Variants in TLCD3B observed in about 807,000 individuals in gnomAD.
The protein encoded by TLCD3B is ceramide synthase.
A neutral mutation model predicts 23.0 loss-of-function variants in TLCD3B; 9 were observed. That is an observed-to-expected ratio of 0.39 (90% CI 0.24 to 0.68). The LOEUF is 0.68. TLCD3B is among the 30% of genes least tolerant of loss of function. The probability of loss-of-function intolerance (pLI) is 0.44; values close to 1 mark genes in which losing one functional copy is unlikely to be tolerated. For synonymous variants in TLCD3B, 161 were observed against 161.0 expected, an observed-to-expected ratio of 1.00 and a Z score of 0.00; for missense variants, 307 against 371.8, an observed-to-expected ratio of 0.83 and a Z score of 1.43.
rs781041194 is a variant in TLCD3B, at chr16:30,030,448, G to C, written c.80C>G (p.Pro27Arg). 4 of 1,604,756 alleles carry C rather than the reference G, an allele frequency of 2.5e-6. No homozygotes were observed. Among genetic ancestry groups the C allele is most frequent in the African/African-American group, 2.7e-5 (2 of 74,390 alleles). The change falls in exon 1 of 5, where the codon CCC becomes CGC. Residue 27 changes from proline (P) to arginine (R), a missense_variant. Transcript: ENST00000380495. Reference sequence around the variant, plus strand: ...GTCGGCCTCCTCCCAGCGTAGCTGGGGCAGCCGCTGGAGCGTGTTCTTGGA... The same window carrying C: ...GTCGGCCTCCTCCCAGCGTAGCTGGCGCAGCCGCTGGAGCGTGTTCTTGGA... ...LLSKNTLQRL[P>R]QLRWEEADAV...
intron 3 of TLCD3B, among the ~76,000 whole-genome samples, chr16:30,038,271 A>T (rs2071510388): frequency 6.6e-6 from 1 of 152,000 alleles, no homozygotes; most frequent in South Asian, 2.1e-4. Context: ...TCAGACATTG[A>T]TCTGCATTCT....
chr16:30,047,573 C>T (rs945505252), intron 1 of TLCD3B, among the ~76,000 whole-genome samples: 1 of 152,074 alleles, frequency 6.6e-6, no homozygotes, highest in Non-Finnish European at 1.5e-5. Flanking sequence ...CCGCCTGCCT[C>T]GGCCTCCCGC....
At chr16:30,052,609 A>C (rs2071781708) in intron 1 of TLCD3B, among the ~76,000 whole-genome samples, 1 of 152,024 alleles carries the variant, frequency 6.6e-6, no homozygotes, top group African/African-American at 2.4e-5. Context: ...AGGCAGGTGA[A>C]TCACTTGAAC....
chr16:30,030,309 C>G (rs1192749540), intron 1 of TLCD3B, 94 bp downstream of exon 1: 7 of 1,323,080 alleles, frequency 5.3e-6, no homozygotes, highest in Non-Finnish European at 7.3e-6. Flanking sequence ...TCCCAGTCCC[C>G]CACCGCTGAG....
At chr16:30,037,739 CA>C (rs1223233014) in intron 3 of TLCD3B, among the ~76,000 whole-genome samples, 1 of 136,206 alleles carries the variant, frequency 7.3e-6, no homozygotes, top group Non-Finnish European at 1.6e-5. Context: ...CCTGCCCCCC[CA>C]AAAAAGTAGT....
In TLCD3B at chr16:30,030,623, G is replaced by T; in HGVS notation, c.-96C>A. On this transcript the variant is annotated 5_prime_UTR_variant, in exon 1 of 5. Coordinates refer to ENST00000380495, the MANE Select transcript of TLCD3B (RefSeq NM_031478.6). The stretch of plus-strand genomic sequence containing the variant: ...GGGGTGGAGAAGGGACGCCAAGCCC[G>T]GGAAGGAGGGAGAAAACGATGAGAA... 1 of 1,418,380 alleles carries T rather than the reference G, an allele frequency of 7.1e-7. No homozygotes were observed. 87.9% of individuals were successfully genotyped at this position (1,418,380 alleles called of 1,614,324 possible). A position where few individuals can be genotyped will look rare whatever the true frequency, so the allele number is the denominator to read the frequency against.
At chr16:30,036,121 C>T (rs1279392148), upstream of TLCD3B, 11 of 1,259,116 alleles carry the variant, frequency 8.7e-6, no homozygotes, top group South Asian at 1.4e-4. Context: ...CGCCGCCCAC[C>T]CTAAGTCACC....
At chr16:30,035,882 C>T (rs2150989003), upstream of TLCD3B, among the ~76,000 whole-genome samples, 1 of 151,894 alleles carries the variant, frequency 6.6e-6, no homozygotes, top group Non-Finnish European at 1.5e-5. Flanking sequence ...CCTGCTTCAG[C>T]CTCCTGAGTA....
At chr16:30,030,023 C>T in intron 1 of TLCD3B, 5 of 1,330,264 alleles carry the variant, frequency 3.8e-6, no homozygotes, top group African/African-American at 1.5e-5. Context: ...TAGAGTTGTA[C>T]CATCCACTCC....
upstream of TLCD3B, chr16:30,032,522 G>A (rs1039880969): frequency 6.6e-6 from 1 of 152,116 alleles, no homozygotes; most frequent in African/African-American, 2.4e-5. Context: ...ACGGGAGGGG[G>A]AAAGGGGATC....
chr16:30,030,160 T>C lies in TLCD3B; in HGVS notation c.125+243A>G. ...CCCTGTTTTGGAGGGTGGGAGGGTG[T>C]ACGGGGAAGAAGAGAGAGGCGGGCT... is the stretch of plus-strand genomic sequence containing the variant. On this transcript the variant is annotated intron_variant, in intron 1 of 4. Transcript: ENST00000380495. The C allele has an allele frequency of 2.0e-6, 3 of 1,477,558 alleles. No individual in the cohort carries two copies. The South Asian group carries it at 3.6e-5, about 18-fold the overall frequency. The allele number at this position is 1,477,558 out of a possible 1,614,324, so 91.5% of individuals were successfully genotyped here. A position where few individuals can be genotyped will look rare whatever the true frequency, so the allele number is the denominator to read the frequency against.
chr16:30,036,806 C>A (rs964477610), intron 3 of TLCD3B, among the ~76,000 whole-genome samples: 1 of 152,070 alleles, frequency 6.6e-6, no homozygotes, highest in South Asian at 2.1e-4. Context: ...GGTGCAGGGC[C>A]GGGCGTGGTG....
chr16:30,034,410 C>CAAA (rs34825633), upstream of TLCD3B, among the ~76,000 whole-genome samples: 1 of 116,044 alleles, frequency 8.6e-6, no homozygotes, highest in Non-Finnish European at 1.7e-5. Context: ...CTGTCTCTAC[C>CAAA]AAAAAAAAAA....
upstream of TLCD3B, chr16:30,036,028 G>A: frequency 2.2e-6 from 2 of 924,738 alleles, no homozygotes; most frequent in Non-Finnish European, 2.9e-6. Context: ...CTCCCAAAGT[G>A]CTGGGATTAC....
chr16:30,033,152 G>A (rs2071401389), upstream of TLCD3B: 1 of 152,474 alleles, frequency 6.6e-6, no homozygotes, highest in Non-Finnish European at 1.5e-5. Flanking sequence ...GAGAGGCTGA[G>A]GCAGGAGAAT....
rs74592167 is a variant in TLCD3B, at chr16:30,042,037, A to G, written c.-228-881T>C. Among the ~76,000 whole-genome samples the G allele has an allele frequency of 9.4e-3, 1,426 of 152,120 alleles. 15 individuals are homozygous for G. Among genetic ancestry groups the G allele is most frequent in the African/African-American group, 0.032 (1,335 of 41,516 alleles). On this transcript the variant is annotated intron_variant, in intron 2 of 6. Coordinates refer to the TLCD3B transcript ENST00000561666. ...ATTGTTCCCCTAAGGAGCCCTTTTT[A>G]CACTTTTTTTTCTAATCGCTGCCTA... is the stretch of plus-strand genomic sequence containing the variant.
intron 1 of TLCD3B, among the ~76,000 whole-genome samples, chr16:30,051,434 A>G (rs2071748429): frequency 6.6e-6 from 1 of 151,234 alleles, no homozygotes; most frequent in South Asian, 2.1e-4. Context: ...GAGGCAGGAG[A>G]ATTGCTTGAA....
In TLCD3B at chr16:30,025,443, G is replaced by A. The variant is rs750702943; in HGVS notation, c.565C>T (p.His189Tyr). The A allele has an allele frequency of 6.8e-6, 11 of 1,612,710 alleles. No homozygotes were observed. In the South Asian group the frequency reaches 1.1e-4, roughly 16 times the overall value. ...AGCATCAGGGCCCCGTTCACCTTGTGCAGCAGTGTGTGCTGCTGCTTGTAC... is the reference window on the plus strand; with the variant it reads ...AGCATCAGGGCCCCGTTCACCTTGTACAGCAGTGTGTGCTGCTGCTTGTAC... ...IQYKQQHTLL[H>Y]KVNGALMLLS... Residue 189 changes from histidine (H) to tyrosine (Y), a missense_variant, in exon 5 of 5, where the codon CAC (histidine) becomes TAC (tyrosine). His to Tyr is a moderately conservative substitution (Grantham distance 83, BLOSUM62 2). Coordinates refer to ENST00000380495, the MANE Select transcript of TLCD3B (RefSeq NM_031478.6). This position sits in a 1 kb window ranked among gnomAD's most constrained non-coding sequence, Gnocchi z 4.1.
At chr16:30,027,669 C>T in intron 2 of TLCD3B, 1 of 455,696 alleles carries the variant, frequency 2.2e-6, no homozygotes, top group South Asian at 1.5e-5. Context: ...GTTCCATGTA[C>T]TTGGAGAGTA....
Sources: gnomAD v4.1 joint callset for allele counts (sites outside exome capture counted in the v4.1 genomes callset) on GRCh38, gnomAD v4.1.1 for gene constraint, Gnocchi (gnomAD v3.1) non-coding constraint, MANE v1.5 for transcripts, NCBI Gene and HGNC (gene_info 2026-07-23, HGNC 2026-07-21) for gene names.